The following PSG2 variants were observed in gnomAD, a reference collection of about 807,000 sequenced individuals.
PSG2 encodes pregnancy specific beta-1-glycoprotein 2.
In PSG2, 49 loss-of-function variants were observed where a neutral mutation model predicts 36.2. The observed-to-expected ratio is 1.35, with a 90% CI of 1.08 to 1.72. The LOEUF (loss-of-function observed/expected upper bound fraction) is 1.72. Among genes scored for constraint, PSG2 ranks in the 40% most tolerant of loss-of-function variants. The probability of loss-of-function intolerance (pLI) is 0.00; values close to 1 mark genes in which losing one functional copy is unlikely to be tolerated. For synonymous variants in PSG2, 261 were observed against 155.6 expected, an observed-to-expected ratio of 1.68 and a Z score of -5.04; for missense variants, 605 against 407.2, an observed-to-expected ratio of 1.49 and a Z score of -4.18.
At chr19:43,075,734 A>G (rs1405432494) in intron 2 of PSG2, 102 bp from the exon 3 acceptor site, 4 of 1,523,080 alleles carry the variant, frequency 2.6e-6, no homozygotes, top group African/African-American at 1.4e-5. Context: ...CAGCCCACCC[A>G]AGTCCTTAAA....
intron 4 of PSG2, among the ~76,000 whole-genome samples, chr19:43,071,088 G>C (rs1046995321): frequency 1.3e-5 from 2 of 151,494 alleles, no homozygotes; most frequent in African/African-American, 4.9e-5. Flanking sequence ...GCCTGGCCCG[G>C]GGGAGGCTTG....
chr19:43,082,120 C>CTTTTTTTTTTTTTTTTTTTTTTT (rs1967986546), intron 1 of PSG2: 1 of 90,846 alleles, frequency 1.1e-5, no homozygotes, highest in Non-Finnish European at 2.2e-5. Flanking sequence ...TCTTTCTTCT[C>CTTTTTTTTTTTTTTTTTTTTTTT]TCTTTTTTTT....
chr19:43,082,308 T>C, intron 1 of PSG2, 198 bp downstream of exon 1: 1 of 788,392 alleles, frequency 1.3e-6, no homozygotes, highest in Non-Finnish European at 1.9e-6. Context: ...ACCTGGTTAA[T>C]TTTTTGTATT....
intron 2 of PSG2, among the ~76,000 whole-genome samples, chr19:43,079,652 G>C (rs1459567865): frequency 6.7e-6 from 1 of 149,056 alleles, no homozygotes; most frequent in Non-Finnish European, 1.5e-5. Flanking sequence ...TTCAGTGATG[G>C]GGGTTAAGAT....
chr19:43,072,668 C>A (rs1341398994), intron 3 of PSG2: 7 of 1,603,862 alleles, frequency 4.4e-6, no homozygotes, highest in Non-Finnish European at 6.0e-6. Flanking sequence ...CTGTGTGGCA[C>A]TTTTGATTCC....
chr19:43,073,921 G>A (rs1168555503), intron 3 of PSG2, among the ~76,000 whole-genome samples: 1 of 151,706 alleles, frequency 6.6e-6, no homozygotes, highest in African/African-American at 2.4e-5. Flanking sequence ...GCTCCAGTGA[G>A]CATTTCTTTT....
rs749643200 is a variant in PSG2, at chr19:43,064,596, A to T, written c.*46T>A. On this transcript the variant is annotated 3_prime_UTR_variant, in exon 6 of 6. Coordinates refer to ENST00000406487, the MANE Select transcript of PSG2 (RefSeq NM_031246.4). The stretch of plus-strand genomic sequence containing the variant: ...AGTCCTTGTAAGAGACCTTTCCATA[A>T]ATCTCCTTGAAGAAAAAGCAATTTT... 7 of 659,506 alleles carry T rather than the reference A, an allele frequency of 1.1e-5. No individual in the cohort carries two copies. The highest frequency in any genetic ancestry group is 9.3e-5 in the South Asian group (6 of 64,384). 40.9% of individuals were successfully genotyped at this position (659,506 alleles called of 1,614,324 possible).
intron 4 of PSG2, among the ~76,000 whole-genome samples, chr19:43,070,487 G>A (rs1383815548): frequency 2.0e-5 from 3 of 151,892 alleles, no homozygotes; most frequent in South Asian, 2.1e-4. Context: ...AATGAGGTGT[G>A]TCTATACGTT....
chr19:43,072,783 G>C (rs2122903702), intron 3 of PSG2, among the ~76,000 whole-genome samples: 1 of 151,862 alleles, frequency 6.6e-6, no homozygotes, highest in African/African-American at 2.4e-5. Context: ...GATGCATGAT[G>C]ATCTAAGGGC....
chr19:43,082,120 C>CTTTTTTTTTTTTTTTTTTTT (rs1967986546), intron 1 of PSG2: 5 of 90,846 alleles, frequency 5.5e-5, no homozygotes, highest in Non-Finnish European at 8.9e-5. Flanking sequence ...TCTTTCTTCT[C>CTTTTTTTTTTTTTTTTTTTT]TCTTTTTTTT....
chr19:43,081,293 G>C (rs769296332), intron 1 of PSG2, 47 bp from the exon 2 acceptor site: 5 of 1,577,320 alleles, frequency 3.2e-6, no homozygotes, highest in African/African-American at 2.8e-5. Context: ...CTATGTATTG[G>C]GGTGAAAAGA....
At chr19:43,073,317 T>C (rs1298336437) in intron 3 of PSG2, among the ~76,000 whole-genome samples, 3 of 151,756 alleles carry the variant, frequency 2.0e-5, no homozygotes, top group African/African-American at 7.3e-5. Context: ...GTGAAGGGGA[T>C]AGGCAAGAGC....
chr19:43,070,648 G>T (rs1409901724), intron 4 of PSG2, among the ~76,000 whole-genome samples: 2 of 151,658 alleles, frequency 1.3e-5, no homozygotes, highest in Non-Finnish European at 2.9e-5. Flanking sequence ...AGAATAGCCA[G>T]TTACATAGAG....
At chr19:43,074,139 G>T (rs1568513745) in intron 3 of PSG2, among the ~76,000 whole-genome samples, 1 of 151,592 alleles carries the variant, frequency 6.6e-6, no homozygotes. Context: ...ACCTTTTCAT[G>T]GTTGCATCTT....
rs761280202 is a variant in PSG2 at position 43,075,502 on chromosome 19, G to A, written c.561C>T (p.Leu187=). 1.2e-6 allele frequency: 2 copies of A among 1,613,240 alleles called. No homozygotes were observed. The highest frequency in any genetic ancestry group is 1.1e-5 in the South Asian group (1 of 91,044). ...ACAGCTGAAACCTATGAGTCATAGG[G>A]AGGCTCTGACCATTCATCCACCACT... ...SYQWWMNGQS[L]PMTHRFQLSE... is the part of the protein sequence containing the mutation. The change falls in exon 3 of 6, where the codon CTC becomes CTT. Residue 187 remains leucine (L), a synonymous_variant. Coordinates refer to ENST00000406487, the MANE Select transcript of PSG2 (RefSeq NM_031246.4).
In PSG2 at chr19:43,064,429, CT is replaced by C; in HGVS notation, c.*212del. On this transcript the variant is annotated 3_prime_UTR_variant, in exon 6 of 6. Coordinates refer to ENST00000406487, the MANE Select transcript of PSG2 (RefSeq NM_031246.4). ...AATAGAAAATTATGAAATCATTATC[CT>C]TTTGATTATTTAGTCCAATAACATT... 1 of 350,280 alleles carries C rather than the reference CT, an allele frequency of 2.9e-6. No individual in the cohort carries two copies. The allele number at this position is 350,280 out of a possible 1,614,324, so 21.7% of individuals were successfully genotyped here. A position where few individuals can be genotyped will look rare whatever the true frequency, so the allele number is the denominator to read the frequency against.
At chr19:43,065,445 T>C (rs1221899047) in intron 5 of PSG2, 2 of 151,642 alleles carry the variant, frequency 1.3e-5, no homozygotes, top group African/African-American at 4.9e-5. Context: ...TGTTACGTGT[T>C]AGTAGTGTCA....
chr19:43,079,943 G>A lies in PSG2; in HGVS notation c.430+938C>T, dbSNP rs538318670. 4.3e-3 allele frequency among the ~76,000 whole-genome samples: 649 copies of A among 151,810 alleles called. 7 individuals carry two copies. Among genetic ancestry groups the A allele is most frequent in the Middle Eastern group, 6.8e-3 (2 of 294 alleles). ...GGTGTGACTCTGGTTCAGTGACTGTGCCTTCCTGTGCCTCAGTTTTCTCTC... is the reference window on the plus strand; with the variant it reads ...GGTGTGACTCTGGTTCAGTGACTGTACCTTCCTGTGCCTCAGTTTTCTCTC... On this transcript the variant is annotated intron_variant, in intron 2 of 5. Transcript: ENST00000406487.
chr19:43,075,431 G>A lies in PSG2; in HGVS notation c.632C>T (p.Thr211Ile), dbSNP rs142862789. 4.3e-4 allele frequency: 690 copies of A among 1,613,238 alleles called. 14 individuals carry two copies. In the East Asian group the frequency reaches 0.014, roughly 32 times the overall value. The part of the protein sequence containing the change: ...TLFLFGVTKY[T>I]AGPYECEIRN... ...TATTTCACATTCATAGGGTCCTGCA[G>A]TATACTTTGTGACACCAAATAGAAA... Residue 211 changes from threonine (T) to isoleucine (I), a missense_variant, in exon 3 of 6, where the codon ACT (threonine) becomes ATT (isoleucine). Physicochemically the swap from Thr to Ile is moderately conservative, Grantham distance 89. Transcript: ENST00000406487.
Sources: allele counts gnomAD v4.1 joint callset (sites outside exome capture counted in the v4.1 genomes callset), GRCh38; gene constraint gnomAD v4.1.1; transcripts MANE v1.5; gene names NCBI Gene and HGNC (gene_info 2026-07-23, HGNC 2026-07-21).